The following PHF24 variants were observed in gnomAD, a reference collection of about 807,000 sequenced individuals.
PHF24 encodes the protein Galpha inhibitory interacting protein.
In PHF24, 25 loss-of-function variants were observed where a neutral mutation model predicts 42.6. The observed-to-expected ratio is 0.59, with a 90% CI of 0.43 to 0.82. PHF24 has a LOEUF of 0.82. Ranked by LOEUF, PHF24 falls within the 40% of genes least tolerant of loss-of-function variation. The pLI is 0.00. For synonymous variants in PHF24, 185 were observed against 204.8 expected, an observed-to-expected ratio of 0.90 and a Z score of 0.83; for missense variants, 470 against 538.1, an observed-to-expected ratio of 0.87 and a Z score of 1.25.
chr9:34,744,643 C>A, the PHF24 span, among the ~76,000 whole-genome samples: 1 of 152,170 alleles, frequency 6.6e-6, no homozygotes, highest in Non-Finnish European at 1.5e-5. Flanking sequence ...TTTCATTCTG[C>A]AATGCTTTGC....
the PHF24 span, among the ~76,000 whole-genome samples, chr9:34,776,033 A>G: frequency 6.6e-6 from 1 of 152,240 alleles, no homozygotes; most frequent in Non-Finnish European, 1.5e-5. Flanking sequence ...TAAAATGTCC[A>G]GAATAGGCAA....
At chr9:34,675,045 A>G in the PHF24 span, among the ~76,000 whole-genome samples, 2 of 152,038 alleles carry the variant, frequency 1.3e-5, no homozygotes. Flanking sequence ...TTTAGTAGAG[A>G]TGGGGTTTCA....
At chr9:34,767,480 G>T in the PHF24 span, among the ~76,000 whole-genome samples, 1,885 of 152,348 alleles carry the variant, frequency 0.012, 23 homozygotes, top group Admixed American at 0.028. Context: ...CAATCAGCGA[G>T]ACTCCGTGCG....
chr9:34,715,284 G>T, the PHF24 span, among the ~76,000 whole-genome samples: 4 of 152,084 alleles, frequency 2.6e-5, no homozygotes. Flanking sequence ...CTGAAGCAGG[G>T]TAGAAGAGAG....
At chr9:34,780,254 AAT>A in the PHF24 span, among the ~76,000 whole-genome samples, 6 of 150,684 alleles carry the variant, frequency 4.0e-5, no homozygotes, top group Non-Finnish European at 7.4e-5. Context: ...TAGATTTGGC[AAT>A]GTTTTCTTTT....
the PHF24 span, among the ~76,000 whole-genome samples, chr9:34,941,272 G>A: frequency 6.6e-6 from 1 of 152,240 alleles, no homozygotes; most frequent in South Asian, 2.1e-4. Context: ...TAAATGGCTG[G>A]TCTAGCATTT....
the PHF24 span, chr9:34,922,709 A>C: frequency 3.3e-6 from 5 of 1,535,236 alleles, no homozygotes; most frequent in Non-Finnish European, 3.6e-6. Context: ...TTTTCTCAGC[A>C]CCTTCTGTCT....
chr9:34,759,210 T>A, the PHF24 span, among the ~76,000 whole-genome samples: 1 of 152,256 alleles, frequency 6.6e-6, no homozygotes, highest in Middle Eastern at 3.4e-3. Flanking sequence ...GGCCTAACCA[T>A]GAGTTCACCA....
the PHF24 span, among the ~76,000 whole-genome samples, chr9:34,666,669 C>T: frequency 1.3e-5 from 2 of 151,264 alleles, no homozygotes; most frequent in Non-Finnish European, 2.9e-5. Flanking sequence ...GACAGGTGGC[C>T]GGGCACGGTG....
At chr9:34,966,820 G>C (rs1277691282) in intron 1 of PHF24, among the ~76,000 whole-genome samples, 1 of 152,060 alleles carries the variant, frequency 6.6e-6, no homozygotes, top group Admixed American at 6.5e-5. Context: ...TCATGCTTCA[G>C]CCTCCCGAGT....
the PHF24 span, among the ~76,000 whole-genome samples, chr9:34,884,603 C>T: frequency 2.0e-4 from 30 of 152,226 alleles, no homozygotes; most frequent in African/African-American, 7.0e-4. Context: ...TTTTCTAGTC[C>T]TTCTAGACTT....
At chr9:34,835,042 G>A in the PHF24 span, 1 of 1,488,580 alleles carries the variant, frequency 6.7e-7, no homozygotes, top group Non-Finnish European at 9.1e-7. Flanking sequence ...CACTCCCTGA[G>A]TCATTATCTT....
the PHF24 span, among the ~76,000 whole-genome samples, chr9:34,827,895 T>A: frequency 5.6e-4 from 85 of 152,290 alleles, no homozygotes; most frequent in Admixed American, 1.2e-3. Flanking sequence ...CCCATGCTGT[T>A]GCTCAGGTTC....
At chr9:34,876,426 A>G in the PHF24 span, among the ~76,000 whole-genome samples, 3 of 152,350 alleles carry the variant, frequency 2.0e-5, no homozygotes, top group South Asian at 4.1e-4. Flanking sequence ...GGTTCCAACT[A>G]TATGACATTC....
chr9:34,762,567 G>T, the PHF24 span, among the ~76,000 whole-genome samples: 1 of 145,476 alleles, frequency 6.9e-6, no homozygotes, highest in East Asian at 2.0e-4. Flanking sequence ...TTGTAAATTT[G>T]TTTGAGTTCA....
the PHF24 span, among the ~76,000 whole-genome samples, chr9:34,754,645 A>T: frequency 6.6e-6 from 1 of 152,170 alleles, no homozygotes; most frequent in East Asian, 1.9e-4. Flanking sequence ...AATAGTTTGG[A>T]GGTTTCCCAA....
chr9:34,687,315 T>C, the PHF24 span, among the ~76,000 whole-genome samples: 137 of 152,314 alleles, frequency 9.0e-4, 1 homozygote, highest in South Asian at 0.027. Context: ...GTTTTCTGTA[T>C]GTGCAAGACT....
At chr9:34,793,304 C>A in the PHF24 span, among the ~76,000 whole-genome samples, 1 of 152,138 alleles carries the variant, frequency 6.6e-6, no homozygotes, top group East Asian at 1.9e-4. Context: ...CATTGTCAAC[C>A]CCATGGATAC....
chr9:34,772,841 T>C, the PHF24 span, among the ~76,000 whole-genome samples: 8 of 152,292 alleles, frequency 5.3e-5, no homozygotes, highest in South Asian at 4.1e-4. Flanking sequence ...TAGATACATA[T>C]GGTTACAAAT....
Sources: gnomAD v4.1 joint callset for allele counts (sites outside exome capture counted in the v4.1 genomes callset) on GRCh38, gnomAD v4.1.1 for gene constraint, MANE v1.5 for transcripts, NCBI Gene and HGNC (gene_info 2026-07-23, HGNC 2026-07-21) for gene names.